The following ZNF582 variants were observed in gnomAD, a reference collection of about 807,000 sequenced individuals.
ZNF582 encodes the protein zinc finger protein 582.
In ZNF582, 14 loss-of-function variants were observed where a neutral mutation model predicts 12.3. That is an observed-to-expected ratio of 1.14 (90% CI 0.75 to 1.78). ZNF582 has a LOEUF of 1.78. Ranked by LOEUF, ZNF582 falls within the 40% of genes most tolerant of loss-of-function variation. The probability of loss-of-function intolerance (pLI) is 0.00; values close to 1 mark genes in which losing one functional copy is unlikely to be tolerated. For missense variants in ZNF582, 567 were observed against 616.5 expected (o/e 0.92, Z 0.85); for synonymous variants, 210 against 207.2 (o/e 1.01, Z -0.11).
Position 56,391,116 on chromosome 19 carries a change from A to G in ZNF582, c.10-615T>C, listed in dbSNP as rs576168524. ...TGACTCAAACATCCTCTTATTTTGG[A>G]TCCCGAGGTTGGATCAGATCTCTAA... is the stretch of plus-strand genomic sequence containing the variant. On this transcript the variant is annotated intron_variant, in intron 2 of 4. Coordinates refer to ENST00000586929, the Ensembl canonical transcript of ZNF582. Among the ~76,000 whole-genome samples the G allele has an allele frequency of 2.0e-4, 31 of 152,262 alleles. No homozygotes were observed. The East Asian group carries it at 6.0e-3, about 29-fold the overall frequency.
chr19:56,389,894 G>T, intron 4 of ZNF582, 107 bp downstream of exon 4: 3 of 820,496 alleles, frequency 3.7e-6, no homozygotes, highest in Admixed American at 2.3e-5. Flanking sequence ...TAAGACATAA[G>T]CTTTGAAGGT....
chr19:56,390,145 G>T, intron 3 of ZNF582, 49 bp from the exon 4 acceptor site: 1 of 1,558,404 alleles, frequency 6.4e-7, no homozygotes, highest in Non-Finnish European at 8.8e-7. Flanking sequence ...GGGGGCCCCA[G>T]AATTCAGATC....
rs115868762 is a variant in ZNF582 at position 56,384,519 on chromosome 19, C to G, written c.898G>C (p.Val300Leu). Residue 300 changes from valine (V) to leucine (L), a missense_variant, in exon 5 of 5, where the codon GTA becomes CTA. Physicochemically the swap from Val to Leu is conservative, Grantham distance 32 (BLOSUM62 1). Transcript: ENST00000586929. ...TCACCAGTATGAATTCTATAATGTACTTTAAGATGTGAGATCCGATTGAAG... is the reference window on the plus strand; with the variant it reads ...TCACCAGTATGAATTCTATAATGTAGTTTAAGATGTGAGATCCGATTGAAG... The G allele has an allele frequency of 4.4e-5, 71 of 1,613,462 alleles. No homozygotes were observed. The African/African-American group carries it at 8.4e-4, about 19-fold the overall frequency.
intron 2 of ZNF582, among the ~76,000 whole-genome samples, chr19:56,391,126 T>C (rs975031612): frequency 6.6e-6 from 1 of 152,200 alleles, no homozygotes; most frequent in Non-Finnish European, 1.5e-5. Flanking sequence ...ATCCCGAGGT[T>C]GGATCAGATC....
At chr19:56,385,274 C>T in intron 4 of ZNF582, 90 bp from the exon 5 acceptor site, 1 of 1,296,902 alleles carries the variant, frequency 7.7e-7, no homozygotes, top group Admixed American at 2.8e-5. Flanking sequence ...AGACTCAATG[C>T]CTATTAACTC....
chr19:56,388,727 T>TAG (rs2041990608), intron 4 of ZNF582, among the ~76,000 whole-genome samples: 1 of 152,080 alleles, frequency 6.6e-6, no homozygotes, highest in Non-Finnish European at 1.5e-5. Flanking sequence ...CCGCCTCCCG[T>TAG]GTTCAAGCGA....
chr19:56,393,045 T>C (rs902887115), intron 1 of ZNF582, among the ~76,000 whole-genome samples, 175 bp downstream of exon 1: 1 of 152,080 alleles, frequency 6.6e-6, no homozygotes, highest in African/African-American at 2.4e-5. Context: ...ATATAAAATG[T>C]TCCCAAGTAT....
rs532568887 is a variant in ZNF582, at chr19:56,384,999, G to A, written c.418C>T (p.His140Tyr). 8.1e-6 allele frequency: 13 copies of A among 1,614,094 alleles called. No homozygotes were observed. The East Asian group carries it at 2.9e-4, about 36-fold the overall frequency. Residue 140 changes from histidine (H) to tyrosine (Y), a missense_variant, in exon 5 of 5, where the codon CAT (histidine) becomes TAT (tyrosine). Coordinates refer to ENST00000586929, the Ensembl canonical transcript of ZNF582. Reference sequence around the variant, plus strand: ...TCTTCATGTCTGATGATCATCTGATGGAAATGTCTGTCTGGATTTCCCTGT... The same window carrying A: ...TCTTCATGTCTGATGATCATCTGATAGAAATGTCTGTCTGGATTTCCCTGT...
intron 2 of ZNF582, among the ~76,000 whole-genome samples, chr19:56,390,780 G>T (rs1449083459): frequency 6.6e-6 from 1 of 152,150 alleles, no homozygotes; most frequent in Non-Finnish European, 1.5e-5. Flanking sequence ...AAGAAACAGT[G>T]TAATAAAGCA....
exon 5 of ZNF582, chr19:56,383,037 ACT>A (rs2041930612): frequency 6.6e-6 from 1 of 152,212 alleles, no homozygotes; most frequent in Non-Finnish European, 1.5e-5. Context: ...ACTGAGCAAC[ACT>A]GGGAGATACT....
rs1450355613 is a variant in ZNF582 at position 56,389,989 on chromosome 19, T to C, written c.232+12A>G. ...GCAGTGGCTGCTCCCTTCCCAATGA[T>C]ACCTCACTCACCTGGACACAGGCCT... On this transcript the variant is annotated intron_variant, in intron 4 of 4. Transcript: ENST00000586929. 1.9e-6 allele frequency: 3 copies of C among 1,611,592 alleles called. No individual in the cohort carries two copies. The highest frequency in any genetic ancestry group is 2.5e-6 in the Non-Finnish European group (3 of 1,178,190).
chr19:56,391,171 C>G (rs922139734), intron 2 of ZNF582, among the ~76,000 whole-genome samples: 9 of 152,194 alleles, frequency 5.9e-5, no homozygotes, highest in East Asian at 1.9e-4. Flanking sequence ...CACTCACCCA[C>G]CTAGATGATC....
exon 5 of ZNF582, chr19:56,384,989 A>G: frequency 6.2e-7 from 1 of 1,614,128 alleles, no homozygotes; most frequent in South Asian, 1.1e-5. Context: ...ATGTCTGATG[A>G]TCATCTGATG....
chr19:56,388,789 C>T (rs1271976031), intron 4 of ZNF582, among the ~76,000 whole-genome samples: 7 of 152,132 alleles, frequency 4.6e-5, no homozygotes, highest in African/African-American at 7.2e-5. Context: ...CGTGCCACCA[C>T]ACCCGGCTAA....
exon 2 of ZNF582, chr19:56,391,830 G>A (rs1401628655): frequency 1.2e-6 from 2 of 1,613,694 alleles, no homozygotes; most frequent in Non-Finnish European, 1.7e-6. Flanking sequence ...TGCGACGGTA[G>A]AGCTGGGGGA....
chr19:56,383,089 C>T (rs1332843152), exon 5 of ZNF582: 1 of 152,160 alleles, frequency 6.6e-6, no homozygotes, highest in Non-Finnish European at 1.5e-5. Context: ...AAATTAGCAT[C>T]TGATATTCTC....
At chr19:56,384,655 C>T (rs200288756) in exon 5 of ZNF582, 54 of 1,613,774 alleles carry the variant, frequency 3.3e-5, no homozygotes, top group Non-Finnish European at 3.9e-5. Context: ...TACATTCATA[C>T]GGTTTCTCAC....
At chr19:56,391,777 T>C (rs931160573) in exon 2 of ZNF582, 69 of 1,614,090 alleles carry the variant, frequency 4.3e-5, no homozygotes, top group Non-Finnish European at 5.7e-5. Flanking sequence ...CAAGGGCTGA[T>C]AGGTCCTCCT....
exon 5 of ZNF582, chr19:56,385,038 G>T: frequency 6.2e-7 from 1 of 1,614,062 alleles, no homozygotes; most frequent in Non-Finnish European, 8.5e-7. Flanking sequence ...CTGTCAAACT[G>T]GTTTCTGCAT....
Sources: allele counts gnomAD v4.1 joint callset (sites outside exome capture counted in the v4.1 genomes callset), GRCh38; gene constraint gnomAD v4.1.1; transcripts MANE v1.5; gene names NCBI Gene and HGNC (gene_info 2026-07-23, HGNC 2026-07-21).